SLC22A3: variants seen among roughly 807,000 people sequenced by gnomAD.
The protein encoded by SLC22A3 is solute carrier family 22 member 3.
Under a neutral mutation model 59.1 loss-of-function variants are expected in SLC22A3, and 51 were observed. The ratio of observed to expected loss-of-function variants is 0.86; its 90% CI spans 0.69 to 1.09. The LOEUF (loss-of-function observed/expected upper bound fraction) is 1.09. SLC22A3 is among the 50% of genes least tolerant of loss of function. The pLI is 0.00. For missense variants in SLC22A3, 711 were observed against 726.3 expected, an observed-to-expected ratio of 0.98 and a Z score of 0.24; for synonymous variants, 325 against 292.0, an observed-to-expected ratio of 1.11 and a Z score of -1.15.
chr6:160,448,475 A>G (rs1049712440), intron 10 of SLC22A3, among the ~76,000 whole-genome samples: 10 of 152,086 alleles, frequency 6.6e-5, no homozygotes, highest in African/African-American at 2.4e-4. Context: ...AGATAGATAA[A>G]TAGACAGGTA....
At chr6:160,397,719 C>T (rs1276857865) in intron 1 of SLC22A3, among the ~76,000 whole-genome samples, 6 of 132,192 alleles carry the variant, frequency 4.5e-5, no homozygotes, top group Non-Finnish European at 3.1e-5. Flanking sequence ...GGTGACAGAG[C>T]GAGACTCCAT....
intron 1 of SLC22A3, 31 bp downstream of exon 1, chr6:160,348,879 C>T (rs1335722012): frequency 6.5e-7 from 1 of 1,547,370 alleles, no homozygotes; most frequent in East Asian, 2.4e-5. Context: ...TGGAAGCCGG[C>T]GGGAGAGGAC....
chr6:160,374,530 A>G (rs558672897), intron 1 of SLC22A3, among the ~76,000 whole-genome samples: 274 of 152,342 alleles, frequency 1.8e-3, no homozygotes, highest in African/African-American at 6.4e-3. Flanking sequence ...CACTGGCTTC[A>G]TATGCTCATG....
intron 5 of SLC22A3, 140 bp from the exon 6 acceptor site, chr6:160,436,640 T>C (rs1788342155): frequency 1.5e-6 from 1 of 651,376 alleles, no homozygotes; most frequent in Non-Finnish European, 2.7e-6. Flanking sequence ...AGAAGTGTTT[T>C]AATTGTCAGG....
intron 1 of SLC22A3, among the ~76,000 whole-genome samples, chr6:160,366,365 C>T (rs62440387): frequency 6.6e-6 from 1 of 152,174 alleles, no homozygotes; most frequent in Non-Finnish European, 1.5e-5. Context: ...TGCTACAAGC[C>T]ACATCCAGGT....
chr6:160,430,657 A>T (rs1788119203), intron 5 of SLC22A3, among the ~76,000 whole-genome samples: 1 of 152,198 alleles, frequency 6.6e-6, no homozygotes, highest in East Asian at 1.9e-4. Flanking sequence ...AATACAAGGA[A>T]ACTAACCTCT....
rs553667787 is a variant in SLC22A3, at chr6:160,431,600, G to C, written c.976-5180G>C. Among the ~76,000 whole-genome samples, 7 of 152,138 alleles carry C rather than the reference G, an allele frequency of 4.6e-5. No individual in the cohort carries two copies. The South Asian group carries it at 1.5e-3, about 32-fold the overall frequency. ...TTTGGTAGATGATATATATGAGGCAGTAAACTTGTGGTCTGGAAAAGCAGA... is the reference window on the plus strand; with the variant it reads ...TTTGGTAGATGATATATATGAGGCACTAAACTTGTGGTCTGGAAAAGCAGA... On this transcript the variant is annotated intron_variant, in intron 5 of 10. Coordinates refer to ENST00000275300, the MANE Select transcript of SLC22A3 (RefSeq NM_021977.4).
At chr6:160,368,046 C>A (rs528271153) in intron 1 of SLC22A3, among the ~76,000 whole-genome samples, 28 of 152,222 alleles carry the variant, frequency 1.8e-4, no homozygotes, top group African/African-American at 6.7e-4. Context: ...TCTCTAGTTC[C>A]CGGTGTCCTG....
At chr6:160,355,250 C>A (rs937439911) in intron 1 of SLC22A3, among the ~76,000 whole-genome samples, 2 of 152,138 alleles carry the variant, frequency 1.3e-5, no homozygotes, top group African/African-American at 4.8e-5. Context: ...GGGCACCTGA[C>A]AAAATGGTAT....
chr6:160,435,131 T>C (rs891043045), intron 5 of SLC22A3, among the ~76,000 whole-genome samples: 1 of 152,094 alleles, frequency 6.6e-6, no homozygotes, highest in African/African-American at 2.4e-5. Flanking sequence ...AAAAAGAGGA[T>C]AGAAAAAATG....
chr6:160,427,469 C>T (rs1038218844), intron 5 of SLC22A3, among the ~76,000 whole-genome samples: 1 of 152,174 alleles, frequency 6.6e-6, no homozygotes, highest in African/African-American at 2.4e-5. Context: ...AGACACCTAC[C>T]AGGAATCTAG....
rs143628517 is a variant in SLC22A3, at chr6:160,378,601, T to C, written c.430-19378T>C. Among the ~76,000 whole-genome samples, 938 of 152,316 alleles carry C rather than the reference T, an allele frequency of 6.2e-3. 12 individuals are homozygous for C. Among genetic ancestry groups the C allele is most frequent in the Middle Eastern group, 0.041 (12 of 294 alleles). On this transcript the variant is annotated intron_variant, in intron 1 of 10. Transcript: ENST00000275300. ...GGAATGTCTGGTGGACAGTAATATATAGAGGCTCCTCGACTTAGGATGGGA... is the reference window on the plus strand; with the variant it reads ...GGAATGTCTGGTGGACAGTAATATACAGAGGCTCCTCGACTTAGGATGGGA...
rs1384170391 is a variant in SLC22A3, at chr6:160,450,572, A to T, written c.1611-424A>T. On this transcript the variant is annotated intron_variant, in intron 10 of 10. Coordinates refer to ENST00000275300, the MANE Select transcript of SLC22A3 (RefSeq NM_021977.4). The stretch of plus-strand genomic sequence containing the variant: ...CAAAGATAACAGGATTAAGAGATTA[A>T]GGTAAGAGATGCATAAGAAATTATA... Among the ~76,000 whole-genome samples, 8 of 152,338 alleles carry T rather than the reference A, an allele frequency of 5.3e-5. No homozygotes were observed. In the East Asian group the frequency reaches 1.5e-3, roughly 29 times the overall value.
chr6:160,434,123 C>T (rs940026695), intron 5 of SLC22A3, among the ~76,000 whole-genome samples: 1 of 152,148 alleles, frequency 6.6e-6, no homozygotes, highest in Admixed American at 6.5e-5. Context: ...CTCATGGCAA[C>T]GAGTTGGTGG....
At chr6:160,426,438 C>T (rs1787956592) in intron 5 of SLC22A3, 2 of 834,476 alleles carry the variant, frequency 2.4e-6, no homozygotes, top group South Asian at 5.4e-5. Context: ...ACTTGATTTT[C>T]TTCTCCCTTT....
At chr6:160,442,578 G>A (rs2114923989) in intron 7 of SLC22A3, among the ~76,000 whole-genome samples, 183 bp from the exon 8 acceptor site, 1 of 152,290 alleles carries the variant, frequency 6.6e-6, no homozygotes, top group Admixed American at 6.5e-5. Context: ...TAAAATATTA[G>A]CTATCATCTA....
intron 9 of SLC22A3, among the ~76,000 whole-genome samples, chr6:160,445,926 G>A (rs566889651): frequency 6.6e-5 from 10 of 152,314 alleles, no homozygotes; most frequent in Non-Finnish European, 1.5e-4. Flanking sequence ...AGGGAAGAGT[G>A]GCCTTGGGAT....
At chr6:160,406,877 C>A (rs983383483) in intron 2 of SLC22A3, among the ~76,000 whole-genome samples, 164 bp from the exon 3 acceptor site, 1 of 152,010 alleles carries the variant, frequency 6.6e-6, no homozygotes, top group Non-Finnish European at 1.5e-5. Context: ...GTAATTCCAG[C>A]CTAGGCAACA....
chr6:160,443,554 T>C (rs1788627546), intron 8 of SLC22A3, 76 bp from the exon 9 acceptor site: 2 of 978,624 alleles, frequency 2.0e-6, no homozygotes. Context: ...GGTTTTTTAA[T>C]ATGTCTGAAT....
Sources: gnomAD v4.1 joint callset for allele counts (sites outside exome capture counted in the v4.1 genomes callset) on GRCh38, gnomAD v4.1.1 for gene constraint, MANE v1.5 for transcripts, NCBI Gene and HGNC (gene_info 2026-07-23, HGNC 2026-07-21) for gene names.